The following SLC16A12 variants were observed in gnomAD, a reference collection of about 807,000 sequenced individuals.
SLC16A12 encodes solute carrier family 16 member 12, also known as monocarboxylate transporter 12.
Under a neutral mutation model 42.4 loss-of-function variants are expected in SLC16A12, and 17 were observed. The observed-to-expected ratio is 0.40, with a 90% CI of 0.27 to 0.60. The LOEUF (loss-of-function observed/expected upper bound fraction) is 0.60, where lower values mean the gene tolerates loss of function less well. Among genes scored for constraint, SLC16A12 ranks in the 20% least tolerant of loss-of-function variants. The pLI is 0.42. For missense variants in SLC16A12, 544 were observed against 623.0 expected (o/e 0.87, Z 1.35); for synonymous variants, 224 against 229.4 (o/e 0.98, Z 0.21).
chr10:89,446,273 CT>C (rs1264361628), intron 3 of SLC16A12, among the ~76,000 whole-genome samples: 1 of 152,068 alleles, frequency 6.6e-6, no homozygotes, highest in Non-Finnish European at 1.5e-5. Context: ...AAAGATACTC[CT>C]TGAGAAGAGC....
chr10:89,446,466 G>C (rs1031244221), intron 3 of SLC16A12, among the ~76,000 whole-genome samples: 2 of 152,120 alleles, frequency 1.3e-5, no homozygotes, highest in African/African-American at 4.8e-5. Flanking sequence ...CATTCTTAAA[G>C]AAAAAGAATT....
intron 2 of SLC16A12, among the ~76,000 whole-genome samples, chr10:89,525,220 C>CAAAAAAA (rs869295721): frequency 6.5e-4 from 42 of 64,618 alleles, no homozygotes; most frequent in Non-Finnish European, 7.0e-4. Flanking sequence ...GACACCATAT[C>CAAAAAAA]AAAAAAAAAA....
chr10:89,479,165 T>C (rs1276997594), intron 2 of SLC16A12, among the ~76,000 whole-genome samples: 1 of 152,256 alleles, frequency 6.6e-6, no homozygotes, highest in Admixed American at 6.5e-5. Flanking sequence ...GACCTCCTTT[T>C]CCATGATCCT....
In SLC16A12 at chr10:89,547,466, G is replaced by A. The variant is rs893800290; in HGVS notation, c.-47+8416C>T. Among the ~76,000 whole-genome samples, 143 of 152,256 alleles carry A rather than the reference G, an allele frequency of 9.4e-4. 2 individuals carry two copies. The highest frequency in any genetic ancestry group is 9.2e-3 in the Admixed American group (140 of 15,286). ...CAAATAAATCAACCAGAATTCCTGA[G>A]TATCTAGTCTGTATAGGCCCTGTGC... On this transcript the variant is annotated intron_variant, in intron 2 of 2. Coordinates refer to the SLC16A12 transcript ENST00000475682.
intron 2 of SLC16A12, among the ~76,000 whole-genome samples, chr10:89,490,183 T>G (rs1842826004): frequency 6.6e-6 from 1 of 152,240 alleles, no homozygotes; most frequent in South Asian, 2.1e-4. Context: ...AAAATCATGA[T>G]GAGCAGATAA....
At chr10:89,542,649 ATC>A (rs1336872493) in intron 2 of SLC16A12, among the ~76,000 whole-genome samples, 1 of 151,984 alleles carries the variant, frequency 6.6e-6, no homozygotes, top group African/African-American at 2.4e-5. Context: ...ATTGTCACTG[ATC>A]TCCAGACTCA....
chr10:89,468,851 C>T (rs12268958), intron 2 of SLC16A12, among the ~76,000 whole-genome samples: 7,610 of 152,136 alleles, frequency 0.05, 355 homozygotes, highest in African/African-American at 0.13. Flanking sequence ...GTATTGCAGC[C>T]GGGCACAATG....
chr10:89,500,254 G>C (rs967676264), intron 2 of SLC16A12, among the ~76,000 whole-genome samples: 7 of 152,084 alleles, frequency 4.6e-5, no homozygotes, highest in African/African-American at 1.4e-4. Context: ...TATTCCACAA[G>C]ATAGAGAAAT....
Position 89,432,933 on chromosome 10 carries a change from G to C in SLC16A12, c.*131C>G, listed in dbSNP as rs540968990. On this transcript the variant is annotated 3_prime_UTR_variant, in exon 8 of 8. Transcript: ENST00000371790. ...TGTTTTCCCTTATAAATATTAATAT[G>C]TTAACAAAACAATAATAATAATTTC... 6.6e-4 allele frequency: 823 copies of C among 1,248,410 alleles called. 1 individual carries two copies. The highest frequency in any genetic ancestry group is 8.2e-4 in the Non-Finnish European group (753 of 915,532). 77.3% of individuals were successfully genotyped at this position (1,248,410 alleles called of 1,614,324 possible). A position where few individuals can be genotyped will look rare whatever the true frequency, so the allele number is the denominator to read the frequency against.
At chr10:89,459,306 G>A (rs1171059784) in intron 3 of SLC16A12, among the ~76,000 whole-genome samples, 1 of 142,748 alleles carries the variant, frequency 7.0e-6, no homozygotes, top group African/African-American at 2.7e-5. Context: ...CATAACCAAG[G>A]CAGTTTTTTT....
In SLC16A12 at chr10:89,487,389, G is replaced by A. The variant is rs1018728166; in HGVS notation, c.-46-24765C>T. Among the ~76,000 whole-genome samples, 13 of 152,068 alleles carry A rather than the reference G, an allele frequency of 8.5e-5. No individual in the cohort carries two copies. In the East Asian group the frequency reaches 1.5e-3, roughly 18 times the overall value. ...GAAAAGGGAACTCTCATACATTGTCGGTGGGAATGTAAGTTAATAAAACCT... is the reference window on the plus strand; with the variant it reads ...GAAAAGGGAACTCTCATACATTGTCAGTGGGAATGTAAGTTAATAAAACCT... On this transcript the variant is annotated intron_variant, in intron 2 of 7. Transcript: ENST00000371790.
chr10:89,438,239 C>G (rs771596188), intron 6 of SLC16A12, among the ~76,000 whole-genome samples: 2 of 152,246 alleles, frequency 1.3e-5, no homozygotes, highest in South Asian at 4.1e-4. Flanking sequence ...ATCAAAAGAA[C>G]AATATTTTGT....
chr10:89,518,674 T>C (rs761183560), intron 2 of SLC16A12, among the ~76,000 whole-genome samples: 3 of 152,132 alleles, frequency 2.0e-5, no homozygotes, highest in Non-Finnish European at 4.4e-5. Flanking sequence ...AGGCTTTCCA[T>C]TGACTTGCTG....
At chr10:89,471,651 G>A (rs1439657389) in intron 2 of SLC16A12, among the ~76,000 whole-genome samples, 2 of 152,118 alleles carry the variant, frequency 1.3e-5, no homozygotes, top group Admixed American at 6.5e-5. Context: ...AAACCCCTAG[G>A]AAAGAAATTG....
chr10:89,533,978 T>C (rs961736158), intron 2 of SLC16A12, among the ~76,000 whole-genome samples: 5 of 152,242 alleles, frequency 3.3e-5, no homozygotes. Context: ...ATTCTAGTGT[T>C]GATTCCATCA....
At chr10:89,434,202 T>C (rs1050108361) in intron 7 of SLC16A12, among the ~76,000 whole-genome samples, 10 of 152,212 alleles carry the variant, frequency 6.6e-5, no homozygotes, top group African/African-American at 2.2e-4. Flanking sequence ...TATTGTTTGA[T>C]TTACTTGTGC....
chr10:89,501,411 A>C (rs1338446355), intron 2 of SLC16A12, among the ~76,000 whole-genome samples: 1 of 152,230 alleles, frequency 6.6e-6, no homozygotes, highest in Non-Finnish European at 1.5e-5. Context: ...CTATACCATA[A>C]GGCCATAGTT....
chr10:89,454,766 G>A (rs557253781), intron 3 of SLC16A12, among the ~76,000 whole-genome samples: 14 of 151,660 alleles, frequency 9.2e-5, no homozygotes, highest in Admixed American at 7.9e-4. Context: ...CCACTCTTAC[G>A]TGTTTCAACT....
intron 2 of SLC16A12, among the ~76,000 whole-genome samples, chr10:89,474,440 CT>C (rs1409513383): frequency 6.6e-6 from 1 of 152,194 alleles, no homozygotes; most frequent in African/African-American, 2.4e-5. Flanking sequence ...GGAGAACCCC[CT>C]CAAGTCATAA....
Sources: gnomAD v4.1 joint callset for allele counts (sites outside exome capture counted in the v4.1 genomes callset) on GRCh38, gnomAD v4.1.1 for gene constraint, MANE v1.5 for transcripts, NCBI Gene and HGNC (gene_info 2026-07-23, HGNC 2026-07-21) for gene names.